SUSD6: variants seen among roughly 807,000 people sequenced by gnomAD.
SUSD6 encodes sushi domain-containing protein 6.
A neutral mutation model predicts 28.4 loss-of-function variants in SUSD6; 16 were observed. That is an observed-to-expected ratio of 0.56 (90% CI 0.38 to 0.86). SUSD6 has a LOEUF of 0.86. SUSD6 is among the 40% of genes least tolerant of loss of function. The probability of loss-of-function intolerance (pLI) is 0.00; values close to 1 mark genes in which losing one functional copy is unlikely to be tolerated. For missense variants in SUSD6, 341 were observed against 384.2 expected (o/e 0.89, Z 0.94); for synonymous variants, 147 against 159.6 (o/e 0.92, Z 0.59).
At position 69,635,996 on chromosome 14, in the gene SUSD6, A is replaced by G. The variant is rs146167159; in HGVS notation, c.-80-22517A>G. ...TGCCAGGGACTGAGATGAATTTAGTAAGTTGGTTTAACCCCAGTGCCTCTT... is the reference window on the plus strand; with the variant it reads ...TGCCAGGGACTGAGATGAATTTAGTGAGTTGGTTTAACCCCAGTGCCTCTT... On this transcript the variant is annotated intron_variant, in intron 1 of 5. Transcript: ENST00000342745. 4.1e-3 allele frequency among the ~76,000 whole-genome samples: 624 copies of G among 152,336 alleles called. 4 individuals are homozygous for G. Among genetic ancestry groups the G allele is most frequent in the African/African-American group, 0.014 (586 of 41,582 alleles).
intron 1 of SUSD6, among the ~76,000 whole-genome samples, chr14:69,614,267 A>G (rs901767301): frequency 6.6e-6 from 1 of 152,134 alleles, no homozygotes; most frequent in Admixed American, 6.5e-5. Flanking sequence ...TGGTTTTACC[A>G]TGTTGGCTAG....
In SUSD6 at chr14:69,645,207, TG is replaced by T. The variant is rs1197772621; in HGVS notation, c.-80-13304del. 6.6e-5 allele frequency among the ~76,000 whole-genome samples: 10 copies of T among 152,300 alleles called. 1 individual carries two copies. The South Asian group carries it at 2.1e-3, about 32-fold the overall frequency. ...ATTGGGGCTGTTAAGCTTCATTAGA[TG>T]GAGGTGAAGACATGTCCCTGGAATC... On this transcript the variant is annotated intron_variant, in intron 1 of 5. Coordinates refer to ENST00000342745, the MANE Select transcript of SUSD6 (RefSeq NM_014734.4).
rs541875218 is a variant in SUSD6 at position 69,647,478 on chromosome 14, C to T, written c.-80-11035C>T. Among the ~76,000 whole-genome samples the T allele has an allele frequency of 4.6e-5, 7 of 152,152 alleles. No individual in the cohort carries two copies. The East Asian group carries it at 5.8e-4, about 13-fold the overall frequency. On this transcript the variant is annotated intron_variant, in intron 1 of 5. Transcript: ENST00000342745. ...TGTTGGTGAACTTGCCACAATGCTA[C>T]GGATTTAATGCAAGAAATAGGCAAA...
At chr14:69,662,311 A>G (rs968315658) in intron 2 of SUSD6, among the ~76,000 whole-genome samples, 2 of 152,202 alleles carry the variant, frequency 1.3e-5, no homozygotes, top group East Asian at 1.9e-4. Context: ...CTGGTCGTAG[A>G]TACCACAGTC....
At chr14:69,644,980 T>G (rs910616446) in intron 1 of SUSD6, among the ~76,000 whole-genome samples, 2 of 152,078 alleles carry the variant, frequency 1.3e-5, no homozygotes, top group African/African-American at 4.8e-5. Flanking sequence ...GAAGGAACAG[T>G]GGGCAAGTTC....
chr14:69,663,475 T>A (rs967362506), intron 2 of SUSD6, among the ~76,000 whole-genome samples: 2 of 152,192 alleles, frequency 1.3e-5, no homozygotes, highest in African/African-American at 4.8e-5. Flanking sequence ...AGCAGAGAGA[T>A]GTTGGCAGGT....
Position 69,709,120 on chromosome 14 carries a change from TG to T in SUSD6, c.886+17del. 1.3e-6 allele frequency: 2 copies of T among 1,541,274 alleles called. No individual in the cohort carries two copies. The highest frequency in any genetic ancestry group is 1.8e-6 in the Non-Finnish European group (2 of 1,142,140). ...TACACAGATGGTGAGTGGTCCAAGC[TG>T]AACATGAATTATTAGCTGCTTAGGG... On this transcript the variant is annotated intron_variant, in intron 5 of 5. Coordinates refer to ENST00000342745, the MANE Select transcript of SUSD6 (RefSeq NM_014734.4).
At chr14:69,619,431 C>T (rs759438121) in intron 1 of SUSD6, among the ~76,000 whole-genome samples, 12 of 152,070 alleles carry the variant, frequency 7.9e-5, no homozygotes, top group Non-Finnish European at 1.5e-4. Context: ...GCCTGCTTAA[C>T]TTTTAAATCT....
At chr14:69,646,233 T>C (rs1028999952) in intron 1 of SUSD6, among the ~76,000 whole-genome samples, 2 of 152,200 alleles carry the variant, frequency 1.3e-5, no homozygotes, top group African/African-American at 2.4e-5. Context: ...TCTCTGTCTC[T>C]CTCTTGACAT....
intron 3 of SUSD6, chr14:69,703,836 A>G (rs1886347321): frequency 1.8e-6 from 1 of 562,954 alleles, no homozygotes; most frequent in Admixed American, 3.1e-5. Flanking sequence ...TTTGATGTTC[A>G]GGATCTCTTG....
chr14:69,704,778 G>C (rs2139646242), intron 4 of SUSD6, 36 bp downstream of exon 4: 1 of 1,606,562 alleles, frequency 6.2e-7, no homozygotes, highest in South Asian at 1.1e-5. Flanking sequence ...GAGACAGGCA[G>C]GTGCAAGCAT....
chr14:69,688,328 T>TTA (rs1886105167), intron 2 of SUSD6, among the ~76,000 whole-genome samples: 1 of 152,218 alleles, frequency 6.6e-6, no homozygotes, highest in African/African-American at 2.4e-5. Context: ...TGTAGTGTTA[T>TTA]TTTTCCCAGT....
At position 69,713,141 on chromosome 14, in the gene SUSD6, CT is replaced by C. The variant is rs1886492262; in HGVS notation, c.*2164del. On this transcript the variant is annotated 3_prime_UTR_variant, in exon 6 of 6. Coordinates refer to ENST00000342745, the MANE Select transcript of SUSD6 (RefSeq NM_014734.4). Reference sequence around the variant, plus strand: ...AATGGAAGATCTTACCTTTTTCTATCTTGTTACTCTGGGGTTTTGTCCCCCT... The same window carrying C: ...AATGGAAGATCTTACCTTTTTCTATCTGTTACTCTGGGGTTTTGTCCCCCT... The C allele has an allele frequency of 6.6e-6, 1 of 152,188 alleles. No individual in the cohort carries two copies. 9.4% of individuals were successfully genotyped at this position (152,188 alleles called of 1,614,324 possible). A position where few individuals can be genotyped will look rare whatever the true frequency, so the allele number is the denominator to read the frequency against.
intron 2 of SUSD6, among the ~76,000 whole-genome samples, chr14:69,695,422 C>G (rs956457294): frequency 5.3e-5 from 8 of 152,248 alleles, no homozygotes; most frequent in Non-Finnish European, 1.0e-4. Flanking sequence ...GCGAAGGAAC[C>G]TTGGAGAGGT....
chr14:69,664,442 T>C (rs1022994818), intron 2 of SUSD6, among the ~76,000 whole-genome samples: 43 of 152,204 alleles, frequency 2.8e-4, no homozygotes, highest in African/African-American at 1.0e-3. Flanking sequence ...CCGCAAAGCA[T>C]CTTCCTGTCA....
chr14:69,627,480 T>C (rs1014335652), intron 1 of SUSD6, among the ~76,000 whole-genome samples: 1 of 152,196 alleles, frequency 6.6e-6, no homozygotes, highest in Non-Finnish European at 1.5e-5. Context: ...TATTTATTTA[T>C]TTATTTTTTC....
Position 69,656,853 on chromosome 14 carries a change from G to A in SUSD6, c.-80-1660G>A, listed in dbSNP as rs560298568. On this transcript the variant is annotated intron_variant, in intron 1 of 5. Coordinates refer to ENST00000342745, the MANE Select transcript of SUSD6 (RefSeq NM_014734.4). ...TAGCCACATAAATGGGCACACATTC[G>A]ACACACAGTTTTGTGTACTGTTTGG... 4.5e-4 allele frequency among the ~76,000 whole-genome samples: 68 copies of A among 152,316 alleles called. 1 individual carries two copies. In the South Asian group the frequency reaches 0.014, roughly 31 times the overall value.
At chr14:69,692,986 T>G in intron 2 of SUSD6, among the ~76,000 whole-genome samples, 1 of 152,160 alleles carries the variant, frequency 6.6e-6, no homozygotes, top group East Asian at 1.9e-4. Context: ...CAATGGCTGA[T>G]GAGGAAAAAA....
At chr14:69,661,084 C>T (rs866981712) in intron 2 of SUSD6, among the ~76,000 whole-genome samples, 2 of 152,228 alleles carry the variant, frequency 1.3e-5, no homozygotes, top group African/African-American at 4.8e-5. Context: ...TGCCCAGAAT[C>T]TCACAGCTAA....
Sources: allele counts gnomAD v4.1 joint callset (sites outside exome capture counted in the v4.1 genomes callset), GRCh38; gene constraint gnomAD v4.1.1; transcripts MANE v1.5; gene names NCBI Gene and HGNC (gene_info 2026-07-23, HGNC 2026-07-21).